The following BABAM2 variants were observed in gnomAD, a reference collection of about 807,000 sequenced individuals.
The protein encoded by BABAM2 is BRISC and BRCA1 A complex member 2.
Under a neutral mutation model 54.7 loss-of-function variants are expected in BABAM2, and 31 were observed. The ratio of observed to expected loss-of-function variants is 0.57; its 90% CI spans 0.43 to 0.77. BABAM2 has a LOEUF of 0.77. BABAM2 is among the 30% of genes least tolerant of loss of function. The pLI is 0.00. For synonymous variants in BABAM2, 167 were observed against 162.9 expected, an observed-to-expected ratio of 1.03 and a Z score of -0.19; for missense variants, 364 against 455.8, an observed-to-expected ratio of 0.80 and a Z score of 1.83.
At chr2:28,319,304 GAGT>G (rs1187654005) in intron 11 of BABAM2, among the ~76,000 whole-genome samples, 3 of 152,232 alleles carry the variant, frequency 2.0e-5, no homozygotes, top group Admixed American at 6.5e-5. Context: ...GGTTGGTGCA[GAGT>G]TAGCTTTAGG....
chr2:28,304,751 A>ATT lies in BABAM2; in HGVS notation c.1088+6269_1088+6270dup, dbSNP rs111542347. Among the ~76,000 whole-genome samples the ATT allele has an allele frequency of 1.4e-5, 2 of 147,626 alleles. No homozygotes were observed. Among genetic ancestry groups the ATT allele is most frequent in the African/African-American group, 5.0e-5 (2 of 40,254 alleles). Reference sequence around the variant, plus strand: ...CTGCCACGCCAGGCTAATTTTTTGTATTTTTTTTTTAGTAGAGACGGAGTT... The same window carrying ATT: ...CTGCCACGCCAGGCTAATTTTTTGTATTTTTTTTTTTTAGTAGAGACGGAGTT... On this transcript the variant is annotated intron_variant, in intron 11 of 11. Transcript: ENST00000379624. The surrounding 1 kb of genome is among the most constrained non-coding windows in gnomAD (Gnocchi z 4.0).
intron 10 of BABAM2, among the ~76,000 whole-genome samples, chr2:28,281,594 C>T (rs1686366462): frequency 6.6e-6 from 1 of 152,150 alleles, no homozygotes; most frequent in African/African-American, 2.4e-5. Flanking sequence ...GAATATTAGA[C>T]CCAATCTGAT....
intron 7 of BABAM2, among the ~76,000 whole-genome samples, chr2:28,157,680 C>T (rs1179704710): frequency 2.0e-5 from 3 of 152,272 alleles, no homozygotes; most frequent in East Asian, 3.9e-4. Flanking sequence ...GGCGCGATCT[C>T]GGCTCACTGC....
chr2:28,008,548 T>C (rs1056034145), intron 4 of BABAM2, among the ~76,000 whole-genome samples: 1 of 152,214 alleles, frequency 6.6e-6, no homozygotes, highest in African/African-American at 2.4e-5. Context: ...AAAGAAAGCA[T>C]GTCTGCAGGC....
At chr2:28,260,450 T>C (rs1437364108) in intron 10 of BABAM2, among the ~76,000 whole-genome samples, 1 of 149,492 alleles carries the variant, frequency 6.7e-6, no homozygotes, top group Non-Finnish European at 1.5e-5. Context: ...TACAGGTGCC[T>C]ACCACCACGC....
intron 6 of BABAM2, among the ~76,000 whole-genome samples, chr2:28,058,952 G>A (rs753882447): frequency 3.9e-5 from 6 of 152,136 alleles, no homozygotes; most frequent in Non-Finnish European, 8.8e-5. Flanking sequence ...AGCATTATTC[G>A]AGCCCGCCCT....
At position 28,245,363 on chromosome 2, in the gene BABAM2, A is replaced by G. The variant is rs561519736; in HGVS notation, c.934+501A>G. ...ATCATTTGGTTATCATCCTTATTCA[A>G]TGAAAAGTCTACAACTTTGATAAAA... is the stretch of plus-strand genomic sequence containing the variant. On this transcript the variant is annotated intron_variant, in intron 10 of 11. Transcript: ENST00000379624. Among the ~76,000 whole-genome samples, 3 of 152,332 alleles carry G rather than the reference A, an allele frequency of 2.0e-5. No homozygotes were observed. In the East Asian group the frequency reaches 5.8e-4, roughly 29 times the overall value.
chr2:28,147,925 C>T (rs926676702), intron 7 of BABAM2, among the ~76,000 whole-genome samples: 43 of 152,296 alleles, frequency 2.8e-4, no homozygotes, highest in African/African-American at 9.4e-4. Context: ...ATTGAGACCA[C>T]TTAATATACC....
At chr2:27,955,776 G>C (rs1670039865) in intron 3 of BABAM2, among the ~76,000 whole-genome samples, 1 of 152,148 alleles carries the variant, frequency 6.6e-6, no homozygotes, top group Non-Finnish European at 1.5e-5. Context: ...CCTTGGGTAT[G>C]ACTTGAATAT....
At position 28,022,163 on chromosome 2, in the gene BABAM2, T is replaced by TGAGGGGTCACATGAACTTGGAG. The variant is rs368557041; in HGVS notation, c.301-3062_301-3041dup. Among the ~76,000 whole-genome samples the TGAGGGGTCACATGAACTTGGAG allele has an allele frequency of 7.7e-3, 1,176 of 152,166 alleles. 10 individuals are homozygous for TGAGGGGTCACATGAACTTGGAG. Among genetic ancestry groups the TGAGGGGTCACATGAACTTGGAG allele is most frequent in the African/African-American group, 0.027 (1,128 of 41,492 alleles). ...TTTACGAGAGAGAAATGTGGGAAGG[T>TGAGGGGTCACATGAACTTGGAG]GAGGGGTCACATGAACTTGGAGCAC... On this transcript the variant is annotated intron_variant, in intron 4 of 11. Coordinates refer to ENST00000379624, the MANE Select transcript of BABAM2 (RefSeq NM_199191.3).
intron 6 of BABAM2, among the ~76,000 whole-genome samples, chr2:28,110,183 T>G (rs561881106): frequency 1.3e-4 from 19 of 151,378 alleles, no homozygotes; most frequent in Non-Finnish European, 2.5e-4. Context: ...TCATCCACGT[T>G]GTAGGATGTC....
chr2:28,083,427 G>A (rs941604516), intron 6 of BABAM2, among the ~76,000 whole-genome samples: 5 of 152,144 alleles, frequency 3.3e-5, no homozygotes, highest in Admixed American at 2.0e-4. Context: ...TCTGAGAACC[G>A]TACTGATTTG....
intron 3 of BABAM2, among the ~76,000 whole-genome samples, chr2:27,934,643 C>T (rs1053732447): frequency 2.0e-5 from 3 of 152,198 alleles, no homozygotes; most frequent in South Asian, 2.1e-4. Flanking sequence ...CAGTTAACCA[C>T]GTTGTGAATG....
intron 11 of BABAM2, among the ~76,000 whole-genome samples, chr2:28,333,270 G>C (rs780007721): frequency 6.6e-6 from 1 of 152,110 alleles, no homozygotes; most frequent in Non-Finnish European, 1.5e-5. Context: ...TGATCAACGA[G>C]TAAGGAGTGT....
At chr2:28,222,474 A>G (rs75903441) in intron 7 of BABAM2, among the ~76,000 whole-genome samples, 6,401 of 152,316 alleles carry the variant, frequency 0.042, 194 homozygotes, top group Non-Finnish European at 0.059. Context: ...CATTGATGCC[A>G]TGGATGCAGT....
intron 3 of BABAM2, among the ~76,000 whole-genome samples, chr2:27,953,303 T>A (rs1387624119): frequency 6.6e-6 from 1 of 152,082 alleles, no homozygotes; most frequent in Non-Finnish European, 1.5e-5. Context: ...TACCCCAGGC[T>A]CCCAAGTAGC....
chr2:28,067,119 A>T (rs1161864820), intron 6 of BABAM2, among the ~76,000 whole-genome samples: 1 of 151,878 alleles, frequency 6.6e-6, no homozygotes, highest in Non-Finnish European at 1.5e-5. Flanking sequence ...TTTAGTAGAG[A>T]TGGCGTTTCA....
At chr2:27,916,441 A>G (rs1342174239) in intron 2 of BABAM2, among the ~76,000 whole-genome samples, 4 of 152,220 alleles carry the variant, frequency 2.6e-5, no homozygotes, top group Non-Finnish European at 5.9e-5. Flanking sequence ...ATGAGTAATA[A>G]TTACCAGCAT....
At chr2:28,042,487 G>T (rs1400769993) in intron 5 of BABAM2, among the ~76,000 whole-genome samples, 1 of 152,146 alleles carries the variant, frequency 6.6e-6, no homozygotes, top group Non-Finnish European at 1.5e-5. Context: ...TTCCAGGAAA[G>T]GAGTGATCAG....
Sources: gnomAD v4.1 joint callset for allele counts (sites outside exome capture counted in the v4.1 genomes callset) on GRCh38, gnomAD v4.1.1 for gene constraint, Gnocchi (gnomAD v3.1) non-coding constraint, MANE v1.5 for transcripts, NCBI Gene and HGNC (gene_info 2026-07-23, HGNC 2026-07-21) for gene names.